Variants in CD109 observed in about 807,000 individuals in gnomAD.
The protein encoded by CD109 is CD109 molecule.
Under a neutral mutation model 165.8 loss-of-function variants are expected in CD109, and 149 were observed. The ratio of observed to expected loss-of-function variants is 0.90; its 90% CI spans 0.79 to 1.03. The LOEUF (loss-of-function observed/expected upper bound fraction) is 1.03. Among genes scored for constraint, CD109 ranks in the 50% least tolerant of loss-of-function variants. CD109 has a pLI of 0.00. For synonymous variants in CD109, 585 were observed against 592.1 expected, an observed-to-expected ratio of 0.99 and a Z score of 0.18; for missense variants, 1,712 against 1,677.8, an observed-to-expected ratio of 1.02 and a Z score of -0.36.
chr6:73,803,536 T>G (rs1056939845), intron 24 of CD109, among the ~76,000 whole-genome samples: 1 of 152,200 alleles, frequency 6.6e-6, no homozygotes, highest in Non-Finnish European at 1.5e-5. Context: ...TGTGTGTGTG[T>G]GTGTGTGGAA....
intron 9 of CD109, 107 bp from the exon 10 acceptor site, chr6:73,763,469 G>A: frequency 1.7e-6 from 1 of 599,076 alleles, no homozygotes. Context: ...TATGTGCCCT[G>A]ATATTTTTAA....
chr6:73,783,874 T>TA (rs1471018373), intron 19 of CD109, 50 bp downstream of exon 19: 2 of 1,020,534 alleles, frequency 2.0e-6, no homozygotes, highest in Non-Finnish European at 3.0e-6. Context: ...ATTAAGCTAA[T>TA]ACAGCGTCAG....
intron 29 of CD109, among the ~76,000 whole-genome samples, chr6:73,813,592 G>T (rs537920746): frequency 6.6e-6 from 1 of 152,096 alleles, no homozygotes. Context: ...TGGGTATTGA[G>T]ATTTCTTACA....
At chr6:73,767,920 C>T (rs780455153) in intron 13 of CD109, 135 bp from the exon 14 acceptor site, 119 of 719,308 alleles carry the variant, frequency 1.7e-4, no homozygotes, top group Non-Finnish European at 2.5e-4. Context: ...GAGAGGTTTT[C>T]CTGCATTCCA....
chr6:73,766,690 G>T, intron 11 of CD109, 69 bp from the exon 12 acceptor site: 1 of 1,090,172 alleles, frequency 9.2e-7, no homozygotes, highest in Non-Finnish European at 1.4e-6. Flanking sequence ...TAATTGTTCA[G>T]CAGGTAACAT....
At chr6:73,794,679 T>C (rs915457851) in intron 23 of CD109, among the ~76,000 whole-genome samples, 1 of 152,126 alleles carries the variant, frequency 6.6e-6, no homozygotes, top group Non-Finnish European at 1.5e-5. Flanking sequence ...GAATCAGGGC[T>C]GAGTGTGGCC....
rs140418624 is a variant in CD109 at position 73,792,667 on chromosome 6, A to G, written c.2743A>G (p.Ile915Val). 6.2e-7 allele frequency: 1 copy of G among 1,613,366 alleles called. No homozygotes were observed. Among genetic ancestry groups the G allele is most frequent in the Non-Finnish European group, 8.5e-7 (1 of 1,179,944 alleles). Residue 915 changes from isoleucine (I) to valine (V), a missense_variant, in exon 23 of 33, where the codon ATT becomes GTT. By Grantham distance (29) the Ile-to-Val change is conservative. Transcript: ENST00000287097. The stretch of plus-strand genomic sequence containing the variant: ...TTCCATCAATGGCTTAGCCTCATTG[A>G]TTCGGATGCCTTATGGCTGTGGTGA... ...GPSINGLASL[I>V]RMPYGCGEQN...
chr6:73,723,223 T>G, intron 2 of CD109, 28 bp from the exon 3 acceptor site: 5 of 1,612,508 alleles, frequency 3.1e-6, no homozygotes, highest in Non-Finnish European at 4.2e-6. Flanking sequence ...TTGTGCTAAC[T>G]CTGTTTTCTT....
intron 3 of CD109, among the ~76,000 whole-genome samples, chr6:73,728,892 A>G (rs909900185): frequency 2.0e-5 from 3 of 152,258 alleles, no homozygotes; most frequent in Non-Finnish European, 4.4e-5. Context: ...TTAAACTTTT[A>G]TTACTTCTCA....
At position 73,823,682 on chromosome 6, in the gene CD109, T is replaced by C; in HGVS notation, c.*49T>C. On this transcript the variant is annotated 3_prime_UTR_variant, in exon 33 of 33. Transcript: ENST00000287097. ...AACACTAACATTTCCAGTAGTCACA[T>C]GTGATTGTTTTGTTTTCGTAGAAGA... is the stretch of plus-strand genomic sequence containing the variant. The C allele has an allele frequency of 6.7e-7, 1 of 1,496,884 alleles. No individual in the cohort carries two copies. Among genetic ancestry groups the C allele is most frequent in the Non-Finnish European group, 9.1e-7 (1 of 1,104,114 alleles). The allele number at this position is 1,496,884 out of a possible 1,614,324, so 92.7% of individuals were successfully genotyped here.
Position 73,791,048 on chromosome 6 carries a change from C to T in CD109, c.2702-1578C>T, listed in dbSNP as rs1417570457. On this transcript the variant is annotated intron_variant, in intron 22 of 32. Transcript: ENST00000287097. Reference sequence around the variant, plus strand: ...TTTTTTACAGTTCTTTTATATTTCACTGGCAGATGTAATGCTTTTTTATTA... The same window carrying T: ...TTTTTTACAGTTCTTTTATATTTCATTGGCAGATGTAATGCTTTTTTATTA... Among the ~76,000 whole-genome samples the T allele has an allele frequency of 4.0e-5, 6 of 150,116 alleles. No individual in the cohort carries two copies. The East Asian group carries it at 9.8e-4, about 24-fold the overall frequency.
rs1356418687 is a variant in CD109 at position 73,825,913 on chromosome 6, G to C, written c.*2280G>C. On this transcript the variant is annotated 3_prime_UTR_variant, in exon 33 of 33. Coordinates refer to ENST00000287097, the MANE Select transcript of CD109 (RefSeq NM_133493.5). ...GAATCACTTGAACCTGAGAGACAGA[G>C]GTTGCAGTGAGCCGAGATCACGCCA... is the stretch of plus-strand genomic sequence containing the variant. 1 of 152,280 alleles carries C rather than the reference G, an allele frequency of 6.6e-6. No homozygotes were observed. The allele number at this position is 152,280 out of a possible 1,614,324, so 9.4% of individuals were successfully genotyped here.
chr6:73,728,635 T>C (rs1211016901), intron 3 of CD109, among the ~76,000 whole-genome samples: 1 of 152,222 alleles, frequency 6.6e-6, no homozygotes, highest in Non-Finnish European at 1.5e-5. Flanking sequence ...ATATTGCTGC[T>C]GACCATTTTA....
intron 14 of CD109, among the ~76,000 whole-genome samples, chr6:73,769,293 C>T (rs867552163): frequency 2.0e-5 from 3 of 152,250 alleles, no homozygotes; most frequent in Middle Eastern, 6.8e-3. Context: ...AAAAAGATAA[C>T]ACTGTGTTTT....
At chr6:73,783,880 G>A (rs184287694) in intron 19 of CD109, 56 bp downstream of exon 19, 19 of 925,548 alleles carry the variant, frequency 2.1e-5, no homozygotes, top group African/African-American at 1.3e-4. Flanking sequence ...CTAATACAGC[G>A]TCAGCTCCTC....
intron 5 of CD109, among the ~76,000 whole-genome samples, chr6:73,738,328 C>G (rs73754669): frequency 0.022 from 3,300 of 152,272 alleles, 116 homozygotes; most frequent in African/African-American, 0.074. Flanking sequence ...ACCATCATGC[C>G]CAGAATCTTT....
chr6:73,815,797 G>T (rs1469613385), intron 30 of CD109, among the ~76,000 whole-genome samples: 1 of 152,170 alleles, frequency 6.6e-6, no homozygotes, highest in African/African-American at 2.4e-5. Context: ...CTGCACACAG[G>T]AGTTTGAGCA....
chr6:73,814,210 T>C (rs574375075), intron 29 of CD109, among the ~76,000 whole-genome samples: 64 of 152,108 alleles, frequency 4.2e-4, no homozygotes, highest in African/African-American at 1.5e-3. Context: ...GTTTTAGGTA[T>C]AAGTTAAAAG....
At chr6:73,757,447 A>G (rs1773441140) in intron 6 of CD109, among the ~76,000 whole-genome samples, 1 of 152,172 alleles carries the variant, frequency 6.6e-6, no homozygotes, top group Non-Finnish European at 1.5e-5. Context: ...TGAAAATTTG[A>G]ATTTCATATA....
Sources: gnomAD v4.1 joint callset for allele counts (sites outside exome capture counted in the v4.1 genomes callset) on GRCh38, gnomAD v4.1.1 for gene constraint, MANE v1.5 for transcripts, NCBI Gene and HGNC (gene_info 2026-07-23, HGNC 2026-07-21) for gene names.